Variants in CD36 observed in about 807,000 individuals in gnomAD.
The protein encoded by CD36 is platelet glycoprotein 4.
CD36 carries 119 observed loss-of-function variants against 55.2 expected under a neutral mutation model. The observed-to-expected ratio is 2.15, with a 90% CI of 1.86 to 2.51. CD36 has a LOEUF of 2.51. Ranked by LOEUF, CD36 falls within the 30% of genes most tolerant of loss-of-function variation. CD36 has a pLI of 0.00. For missense variants in CD36, 819 were observed against 555.5 expected (o/e 1.47, Z -4.77); for synonymous variants, 186 against 193.6 (o/e 0.96, Z 0.33).
rs749857921 is a variant in CD36 at position 80,674,088 on chromosome 7, G to A, written c.1360G>A (p.Val454Met). The A allele has an allele frequency of 6.2e-6, 10 of 1,612,396 alleles. No individual in the cohort carries two copies. Among genetic ancestry groups the A allele is most frequent in the Non-Finnish European group, 8.5e-6 (10 of 1,178,952 alleles). The change falls in exon 14 of 15, where the codon GTG becomes ATG. Residue 454 changes from valine to methionine, a missense_variant. Val to Met is a conservative substitution (Grantham distance 21, BLOSUM62 1). Transcript: ENST00000447544. ...AATGATCTTACTCAGTGTTGGTGTGGTGATGTTTGTTGCTTTTATGATTTC... is the reference window on the plus strand; with the variant it reads ...AATGATCTTACTCAGTGTTGGTGTGATGATGTTTGTTGCTTTTATGATTTC... The part of the protein sequence containing the change: ...IEMILLSVGV[V>M]MFVAFMISYC...
chr7:80,670,073 A>G (rs1797511561), intron 9 of CD36, 51 bp downstream of exon 9: 1 of 1,106,328 alleles, frequency 9.0e-7, no homozygotes, highest in Admixed American at 1.7e-5. Context: ...CCCAGGTGAC[A>G]AAATGCAGAC....
intron 13 of CD36, chr7:80,673,700 TAAAAATAGGA>T: frequency 1.8e-6 from 1 of 558,576 alleles, no homozygotes; most frequent in Non-Finnish European, 3.2e-6. Context: ...TTGATAGCTA[TAAAAATAGGA>T]AAAACATTGA....
chr7:80,602,222 C>A (rs1792277060), exon 1 of CD36: 1 of 152,106 alleles, frequency 6.6e-6, no homozygotes, highest in African/African-American at 2.4e-5. Context: ...TCAGGATAAC[C>A]TTAAGGATAG....
At chr7:80,662,150 C>T (rs1045615910) in intron 5 of CD36, among the ~76,000 whole-genome samples, 2 of 152,210 alleles carry the variant, frequency 1.3e-5, no homozygotes, top group Non-Finnish European at 2.9e-5. Context: ...CACACATCCA[C>T]AGCACATCCT....
intron 1 of CD36, among the ~76,000 whole-genome samples, chr7:80,605,856 A>T (rs2115699005): frequency 6.6e-6 from 1 of 152,272 alleles, no homozygotes; most frequent in South Asian, 2.1e-4. Context: ...ATGCATAGAC[A>T]AAGAATTACA....
At chr7:80,662,089 A>G (rs916370710) in intron 5 of CD36, among the ~76,000 whole-genome samples, 3 of 152,228 alleles carry the variant, frequency 2.0e-5, no homozygotes, top group Admixed American at 6.5e-5. Flanking sequence ...ACGGAAACAC[A>G]AAATCCTAAA....
At chr7:80,648,555 C>A (rs1021849687) in intron 3 of CD36, among the ~76,000 whole-genome samples, 2 of 151,612 alleles carry the variant, frequency 1.3e-5, no homozygotes, top group South Asian at 2.1e-4. Flanking sequence ...AATAGTTAAC[C>A]ATGAGAAAGT....
Position 80,663,132 on chromosome 7 carries a change from C to T in CD36, c.572C>T (p.Pro191Leu), listed in dbSNP as rs143150225. ...GYRDPFLSLV[P>L]YPVTTTVGLF... The stretch of plus-strand genomic sequence containing the variant: ...AGGGATCCATTTTTGAGTTTGGTTC[C>T]GTACCCTGTTACTACCACAGTTGGT... The change falls in exon 6 of 15, where the codon CCG (proline) becomes CTG (leucine). Residue 191 changes from proline to leucine, a missense_variant. Transcript: ENST00000447544. The T allele has an allele frequency of 3.0e-4, 480 of 1,613,646 alleles. 1 individual carries two copies. Among genetic ancestry groups the T allele is most frequent in the Middle Eastern group, 2.8e-3 (17 of 6,054 alleles).
Position 80,673,410 on chromosome 7 carries a change from G to GT in CD36, c.1254+4dup, listed in dbSNP as rs779755941. ...TGTGCCTATTCTTTGGCTTAATGAG[G>GT]TTTGTATTTGCAGCTGTTAGTCATT... On this transcript the variant is annotated splice_donor_variant, in intron 13 of 14. Transcript: ENST00000447544. LOFTEE classifies it high-confidence loss of function. 5.8e-6 allele frequency: 9 copies of GT among 1,557,688 alleles called. No individual in the cohort carries two copies. In the African/African-American group the frequency reaches 1.2e-4, roughly 21 times the overall value.
upstream of CD36, among the ~76,000 whole-genome samples, chr7:80,637,902 A>T (rs1263278818): frequency 1.4e-5 from 1 of 73,428 alleles, no homozygotes; most frequent in East Asian, 5.6e-4. Flanking sequence ...CAATATCAAC[A>T]TAATGCTTTT....
At chr7:80,669,643 C>T (rs1286433691) in intron 8 of CD36, among the ~76,000 whole-genome samples, 1 of 151,902 alleles carries the variant, frequency 6.6e-6, no homozygotes, top group Non-Finnish European at 1.5e-5. Flanking sequence ...TTACAAGCGC[C>T]TACCACCACA....
At position 80,652,702 on chromosome 7, in the gene CD36, T is replaced by G. The variant is rs539396817; in HGVS notation, c.121-3838T>G. Among the ~76,000 whole-genome samples, 14 of 152,282 alleles carry G rather than the reference T, an allele frequency of 9.2e-5. 1 individual carries two copies. In the South Asian group the frequency reaches 2.9e-3, roughly 32 times the overall value. Reference sequence around the variant, plus strand: ...CAGAAAAATAATTGTCACAGGATATTATATAAGTTATTGGCACATGACTGG... The same window carrying G: ...CAGAAAAATAATTGTCACAGGATATGATATAAGTTATTGGCACATGACTGG... On this transcript the variant is annotated intron_variant, in intron 3 of 14. Transcript: ENST00000447544.
At chr7:80,658,162 CA>C (rs1562803601) in intron 4 of CD36, among the ~76,000 whole-genome samples, 1 of 152,092 alleles carries the variant, frequency 6.6e-6, no homozygotes, top group Admixed American at 6.6e-5. Flanking sequence ...TTTATGGGTA[CA>C]AAAACATCTT....
intron 1 of CD36, among the ~76,000 whole-genome samples, chr7:80,606,090 A>C (rs1391786852): frequency 6.6e-6 from 1 of 152,166 alleles, no homozygotes; most frequent in African/African-American, 2.4e-5. Flanking sequence ...CATTTATTTA[A>C]AATATTGTCT....
intron 1 of CD36, among the ~76,000 whole-genome samples, chr7:80,623,563 A>G (rs1032526609): frequency 9.9e-5 from 15 of 152,166 alleles, no homozygotes; most frequent in African/African-American, 3.6e-4. Context: ...TGCATATACA[A>G]TATTGTACCC....
intron 1 of CD36, among the ~76,000 whole-genome samples, chr7:80,611,877 G>A (rs1372189050): frequency 6.6e-6 from 1 of 152,160 alleles, no homozygotes; most frequent in Non-Finnish European, 1.5e-5. Flanking sequence ...AGTATCTGTG[G>A]CTTGGACAGT....
At position 80,672,701 on chromosome 7, in the gene CD36, AAATAAGTTTTGAATAGTATAAAAT is replaced by A; in HGVS notation, c.1126-65_1126-42del. 8 of 1,087,432 alleles carry A rather than the reference AAATAAGTTTTGAATAGTATAAAAT, an allele frequency of 7.4e-6. 1 individual carries two copies. The South Asian group carries it at 1.1e-4, about 14-fold the overall frequency. The allele number at this position is 1,087,432 out of a possible 1,614,324, so 67.4% of individuals were successfully genotyped here. The stretch of plus-strand genomic sequence containing the variant: ...ACTACCTTCTCTTCTGCTGTAAGAA[AAATAAGTTTTGAATAGTATAAAAT>A]AATGTTTTTAAAAGTTGGTAATTAT... On this transcript the variant is annotated intron_variant, in intron 11 of 14. Coordinates refer to ENST00000447544, the MANE Select transcript of CD36 (RefSeq NM_001001548.3).
intron 1 of CD36, among the ~76,000 whole-genome samples, chr7:80,608,010 T>C (rs1440105077): frequency 1.2e-4 from 19 of 152,096 alleles, no homozygotes; most frequent in Admixed American, 1.2e-3. Flanking sequence ...GACCTCGTGA[T>C]CCGCCCGCCT....
chr7:80,632,982 G>A (rs1467306472), intron 1 of CD36, among the ~76,000 whole-genome samples: 1 of 151,854 alleles, frequency 6.6e-6, no homozygotes, highest in Non-Finnish European at 1.5e-5. Flanking sequence ...TCAACTAAAT[G>A]CTTGTTTTGG....
Sources: gnomAD v4.1 joint callset for allele counts (sites outside exome capture counted in the v4.1 genomes callset) on GRCh38, gnomAD v4.1.1 for gene constraint, MANE v1.5 for transcripts, NCBI Gene and HGNC (gene_info 2026-07-23, HGNC 2026-07-21) for gene names.